TUBGCP5: variants seen among roughly 807,000 people sequenced by gnomAD.
The protein encoded by TUBGCP5 is gamma-tubulin complex component 5.
A neutral mutation model predicts 134.7 loss-of-function variants in TUBGCP5; 98 were observed. The observed-to-expected ratio is 0.73, with a 90% CI of 0.62 to 0.86. TUBGCP5 has a LOEUF of 0.86. Ranked by LOEUF, TUBGCP5 falls within the 40% of genes least tolerant of loss-of-function variation. The probability of loss-of-function intolerance (pLI) is 0.00; values close to 1 mark genes in which losing one functional copy is unlikely to be tolerated. For synonymous variants in TUBGCP5, 456 were observed against 431.4 expected (o/e 1.06, Z -0.71); for missense variants, 1,150 against 1,244.8 (o/e 0.92, Z 1.15).
At chr15:23,003,008 A>G in intron 21 of TUBGCP5, 57 bp downstream of exon 21, 1 of 1,566,748 alleles carries the variant, frequency 6.4e-7, no homozygotes, top group Non-Finnish European at 8.8e-7. Context: ...TCTAAAAAAA[A>G]GGGAAGCTGA....
chr15:23,031,963 TAC>T lies in TUBGCP5; in HGVS notation c.471_472del (p.Tyr158HisfsTer8). 6.2e-7 allele frequency: 1 copy of T among 1,612,364 alleles called. No individual in the cohort carries two copies. Among genetic ancestry groups the T allele is most frequent in the Non-Finnish European group, 8.5e-7 (1 of 1,179,002 alleles). On this transcript the variant is annotated frameshift_variant, in exon 5 of 23. Transcript: ENST00000615383. LOFTEE classifies it high-confidence loss of function. ...ACTACCACTTACTGGTGTGTCCATG[TAC>T]GGACCAATGTCCATTTCTTCATCTT... is the stretch of plus-strand genomic sequence containing the variant.
At chr15:22,988,619 C>T (rs1175587413) in intron 23 of TUBGCP5, among the ~76,000 whole-genome samples, 1 of 151,278 alleles carries the variant, frequency 6.6e-6, no homozygotes, top group African/African-American at 2.4e-5. Flanking sequence ...GCCTGTAGTC[C>T]CAGCTACTCG....
intron 1 of TUBGCP5, among the ~76,000 whole-genome samples, chr15:23,038,025 A>C (rs2066697802): frequency 6.6e-6 from 1 of 152,190 alleles, no homozygotes; most frequent in Admixed American, 6.5e-5. Flanking sequence ...CGGCCTCCTA[A>C]AGTGCTGGGA....
chr15:22,988,206 G>T (rs1244272424), intron 23 of TUBGCP5, among the ~76,000 whole-genome samples: 1 of 151,912 alleles, frequency 6.6e-6, no homozygotes, highest in Non-Finnish European at 1.5e-5. Flanking sequence ...TAGATTATCT[G>T]AAGGGGCCCT....
intron 23 of TUBGCP5, among the ~76,000 whole-genome samples, chr15:22,992,490 A>G (rs981618462): frequency 1.3e-5 from 2 of 152,094 alleles, no homozygotes; most frequent in African/African-American, 4.8e-5. Flanking sequence ...ACACACATAT[A>G]TATGTATGTA....
At chr15:23,037,032 C>A (rs780627841) in intron 2 of TUBGCP5, 27 bp from the exon 3 acceptor site, 1 of 1,593,774 alleles carries the variant, frequency 6.3e-7, no homozygotes, top group South Asian at 1.1e-5. Flanking sequence ...GATTATAAAG[C>A]TATCTTAAAA....
At chr15:23,019,197 C>A (rs989870053) in intron 12 of TUBGCP5, 22 bp downstream of exon 12, 23 of 1,580,342 alleles carry the variant, frequency 1.5e-5, no homozygotes, top group Non-Finnish European at 2.0e-5. Flanking sequence ...CCCCAGTGAC[C>A]TTGTGCTCTG....
In TUBGCP5 at chr15:22,988,462, G is replaced by A. The variant is rs569662324; in HGVS notation, c.*62-4851C>T. Among the ~76,000 whole-genome samples, 230 of 151,820 alleles carry A rather than the reference G, an allele frequency of 1.5e-3. 1 individual carries two copies. Among genetic ancestry groups the A allele is most frequent in the African/African-American group, 4.6e-3 (188 of 41,290 alleles). ...ATATCTGGTTTTTTTGGCCGGTTGC[G>A]GTGGCTGAAGCCTGTAATCCCAGCA... On this transcript the variant is annotated intron_variant and NMD_transcript_variant, in intron 23 of 23. Transcript: ENST00000614508.
chr15:22,998,684 G>A (rs1668713243), downstream of TUBGCP5, among the ~76,000 whole-genome samples: 1 of 151,822 alleles, frequency 6.6e-6, no homozygotes, highest in Non-Finnish European at 1.5e-5. Flanking sequence ...GTACAATCTA[G>A]GCTCACCGCA....
Position 23,004,188 on chromosome 15 carries a change from C to T in TUBGCP5, c.2752G>A (p.Glu918Lys). Residue 918 changes from glutamate to lysine, a missense_variant, in exon 20 of 23, where the codon GAG becomes AAG. By Grantham distance (56) the Glu-to-Lys change is moderately conservative. Coordinates refer to ENST00000615383, the MANE Select transcript of TUBGCP5 (RefSeq NM_052903.6). ...AATTGATCTAAATCCTTGGCTTCCT[C>T]GACTTGATGTTGAAACTCCAGCCCT... ...STGLEFQHQV[E>K]EAKDLDQLIK... The T allele has an allele frequency of 9.9e-6, 16 of 1,613,244 alleles. No individual in the cohort carries two copies. The highest frequency in any genetic ancestry group is 1.3e-5 in the Non-Finnish European group (15 of 1,179,738).
intron 6 of TUBGCP5, 77 bp from the exon 7 acceptor site, chr15:23,027,383 A>C: frequency 8.8e-7 from 1 of 1,134,082 alleles, no homozygotes; most frequent in Non-Finnish European, 1.3e-6. Context: ...TTACAGCTCC[A>C]TTCAAACGTA....
chr15:23,031,710 T>G (rs570392747), intron 5 of TUBGCP5, among the ~76,000 whole-genome samples: 4 of 152,106 alleles, frequency 2.6e-5, no homozygotes, highest in African/African-American at 9.7e-5. Flanking sequence ...GCAATCCTCC[T>G]GCCTCTCGAA....
At position 23,024,747 on chromosome 15, in the gene TUBGCP5, T is replaced by G; in HGVS notation, c.911A>C (p.His304Pro). 4 of 1,519,234 alleles carry G rather than the reference T, an allele frequency of 2.6e-6. No individual in the cohort carries two copies. The highest frequency in any genetic ancestry group is 3.6e-6 in the Non-Finnish European group (4 of 1,107,392). 94.1% of individuals were successfully genotyped at this position (1,519,234 alleles called of 1,614,324 possible). A position where few individuals can be genotyped will look rare whatever the true frequency, so the allele number is the denominator to read the frequency against. Residue 304 changes from histidine (H) to proline (P), a missense_variant, in exon 9 of 23, where the codon CAT becomes CCT. Physicochemically the swap from His to Pro is moderately conservative, Grantham distance 77. Around this residue, in one of 2 missense-constraint regions of TUBGCP5, gnomAD observed 453 missense variants for 394.7 expected, o/e 1.15. Coordinates refer to ENST00000615383, the MANE Select transcript of TUBGCP5 (RefSeq NM_052903.6). Reference sequence around the variant, plus strand: ...ATACAAATAACTTACATGTGTTAAATGAGTTACTATAATATTGTTTCTCAC... The same window carrying G: ...ATACAAATAACTTACATGTGTTAAAGGAGTTACTATAATATTGTTTCTCAC... ...VTVRNNIIVT[H>P]LTHSCLRSVL...
intron 18 of TUBGCP5, 94 bp from the exon 19 acceptor site, chr15:23,005,704 T>TG: frequency 7.5e-7 from 1 of 1,334,400 alleles, no homozygotes; most frequent in Non-Finnish European, 1.0e-6. Context: ...ACGGATGTGG[T>TG]CCTGGCACCA....
At chr15:23,038,618 A>G (rs1453812586) in intron 1 of TUBGCP5, among the ~76,000 whole-genome samples, 1 of 152,220 alleles carries the variant, frequency 6.6e-6, no homozygotes, top group Non-Finnish European at 1.5e-5. Flanking sequence ...GGATTTTGAA[A>G]AACTGTTCAT....
At chr15:23,011,057 C>T (rs1418267211) in intron 14 of TUBGCP5, 76 bp downstream of exon 14, 1 of 1,469,984 alleles carries the variant, frequency 6.8e-7, no homozygotes. Flanking sequence ...GCCCTACCTG[C>T]CAGAAATAAA....
intron 3 of TUBGCP5, among the ~76,000 whole-genome samples, chr15:23,035,266 T>C (rs1225218160): frequency 6.7e-6 from 1 of 149,094 alleles, no homozygotes; most frequent in Admixed American, 6.7e-5. Flanking sequence ...GAAGTGGGGG[T>C]TGCAATGAGT....
intron 23 of TUBGCP5, among the ~76,000 whole-genome samples, chr15:22,984,148 AAAAT>A (rs1373380792): frequency 2.0e-5 from 3 of 152,182 alleles, no homozygotes; most frequent in Non-Finnish European, 2.9e-5. Flanking sequence ...AAAATAAAAT[AAAAT>A]AAATAACCAT....
Position 23,039,470 on chromosome 15 carries a change from C to A in TUBGCP5, c.74G>T (p.Gly25Val). Residue 25 changes from glycine to valine, a missense_variant, in exon 1 of 23, where the codon GGT (glycine) becomes GTT (valine). Gly to Val is a moderately radical substitution (Grantham distance 109). Transcript: ENST00000615383. ...TGCCTCGTCCTGGAGGCCGGCGACA[C>A]CCCGGACGAGCTCCCGCACGTCGCG... ...QERDVRELVRGVAGLQDEADP... is the reference protein window; with the variant it reads ...QERDVRELVRVVAGLQDEADP... 6.5e-7 allele frequency: 1 copy of A among 1,544,496 alleles called. No homozygotes were observed.
Sources: allele counts gnomAD v4.1 joint callset (sites outside exome capture counted in the v4.1 genomes callset), GRCh38; gene constraint gnomAD v4.1.1; regional missense constraint gnomAD v4.1.1; transcripts MANE v1.5; gene names NCBI Gene and HGNC (gene_info 2026-07-23, HGNC 2026-07-21).